ETV7: variants seen among roughly 807,000 people sequenced by gnomAD.
ETV7 encodes the protein ETS variant transcription factor 7, also known as transcription factor ETV7.
ETV7 carries 43 observed loss-of-function variants against 39.1 expected under a neutral mutation model. That is an observed-to-expected ratio of 1.10 (90% CI 0.86 to 1.42). The LOEUF is 1.42. Among genes scored for constraint, ETV7 ranks in the 40% most tolerant of loss-of-function variants. ETV7 has a pLI of 0.00. For synonymous variants in ETV7, 196 were observed against 176.6 expected (o/e 1.11, Z -0.87); for missense variants, 432 against 442.3 (o/e 0.98, Z 0.21).
At chr6:36,376,057 C>T (rs1170628840) in intron 2 of ETV7, 22 bp from the exon 3 acceptor site, 6 of 1,583,204 alleles carry the variant, frequency 3.8e-6, no homozygotes, top group Non-Finnish European at 4.3e-6. Context: ...AAGGACCAGT[C>T]CCATCACTCC....
In ETV7 at chr6:36,371,566, A is replaced by G; in HGVS notation, c.434-6T>C. 1 of 1,571,194 alleles carries G rather than the reference A, an allele frequency of 6.4e-7. No individual in the cohort carries two copies. Among genetic ancestry groups the G allele is most frequent in the Non-Finnish European group, 8.6e-7 (1 of 1,160,702 alleles). On this transcript the variant is annotated splice_region_variant and splice_polypyrimidine_tract_variant and intron_variant, in intron 4 of 7. Coordinates refer to ENST00000340181, the MANE Select transcript of ETV7 (RefSeq NM_016135.4). The stretch of plus-strand genomic sequence containing the variant: ...CTGAGAGGGGCCAGTCACCTCTGCA[A>G]GCAGATGAGCACCAGTGGTAGCAGG...
chr6:36,378,377 A>G lies in ETV7; in HGVS notation c.143-2342T>C, dbSNP rs149554815. ...AATAGAAAAATACAAATCTTAATAG[A>G]AGTAGAAATCAAAAACCAAATGCAC... is the stretch of plus-strand genomic sequence containing the variant. On this transcript the variant is annotated intron_variant, in intron 2 of 7. Coordinates refer to ENST00000340181, the MANE Select transcript of ETV7 (RefSeq NM_016135.4). Among the ~76,000 whole-genome samples, 296 of 152,320 alleles carry G rather than the reference A, an allele frequency of 1.9e-3. 3 individuals carry two copies. The highest frequency in any genetic ancestry group is 6.3e-3 in the African/African-American group (264 of 41,578).
chr6:36,361,228 A>T (rs2127382002), downstream of ETV7, among the ~76,000 whole-genome samples: 1 of 152,310 alleles, frequency 6.6e-6, no homozygotes, highest in East Asian at 1.9e-4. Flanking sequence ...CTTAGTTCCC[A>T]CCGAGGTCCT....
chr6:36,375,147 AT>A (rs1289816909), intron 3 of ETV7, among the ~76,000 whole-genome samples: 1 of 152,126 alleles, frequency 6.6e-6, no homozygotes, highest in Non-Finnish European at 1.5e-5. Flanking sequence ...AAATCAGCAG[AT>A]TTCAGAACGT....
intron 2 of ETV7, among the ~76,000 whole-genome samples, chr6:36,378,061 T>TC (rs1279447372): frequency 2.0e-4 from 30 of 152,098 alleles, no homozygotes; most frequent in African/African-American, 7.0e-4. Context: ...GTAACTAAGA[T>TC]CAAATGGTCT....
intron 2 of ETV7, among the ~76,000 whole-genome samples, chr6:36,379,052 G>C (rs191636185): frequency 6.6e-6 from 1 of 152,180 alleles, no homozygotes; most frequent in East Asian, 1.9e-4. Context: ...TACATGAGAC[G>C]CCGAAAGCTG....
chr6:36,370,675 CTAAAA>C (rs1772971132), intron 5 of ETV7, among the ~76,000 whole-genome samples: 2 of 150,038 alleles, frequency 1.3e-5, no homozygotes, highest in South Asian at 2.1e-4. Context: ...CCCCCTGAAC[CTAAAA>C]TAAAAGTTGA....
At chr6:36,355,507 G>A (rs933716095) in intron 7 of ETV7, among the ~76,000 whole-genome samples, 9 of 152,072 alleles carry the variant, frequency 5.9e-5, no homozygotes, top group African/African-American at 2.2e-4. Context: ...TGCCTCTCGG[G>A]TTCAAGTGAT....
intron 1 of ETV7, among the ~76,000 whole-genome samples, chr6:36,386,303 G>A (rs1456053018): frequency 6.6e-6 from 1 of 152,156 alleles, no homozygotes; most frequent in African/African-American, 2.4e-5. Flanking sequence ...ACTCCAGCCT[G>A]GGCAAGAGAG....
chr6:36,371,887 G>C (rs554048017), intron 4 of ETV7, among the ~76,000 whole-genome samples: 1 of 152,222 alleles, frequency 6.6e-6, no homozygotes, highest in African/African-American at 2.4e-5. Context: ...TGCCCAACGA[G>C]TATTTATTGA....
At chr6:36,354,470 G>T in exon 8 of ETV7, 1 of 475,530 alleles carries the variant, frequency 2.1e-6, no homozygotes, top group Non-Finnish European at 3.7e-6. Flanking sequence ...TCTTTTGCAT[G>T]TGGACACCCA....
At chr6:36,367,094 G>T in intron 6 of ETV7, 119 bp from the exon 7 acceptor site, 1 of 772,438 alleles carries the variant, frequency 1.3e-6, no homozygotes. Context: ...GGATCTGTGA[G>T]GGTTTATGAG....
chr6:36,361,486 G>C (rs1772486691), downstream of ETV7, among the ~76,000 whole-genome samples: 1 of 152,246 alleles, frequency 6.6e-6, no homozygotes, highest in Admixed American at 6.5e-5. Context: ...AGCCAAGGAA[G>C]ACTGTGGCCC....
downstream of ETV7, among the ~76,000 whole-genome samples, chr6:36,362,441 T>A (rs923052112): frequency 6.6e-6 from 1 of 151,966 alleles, no homozygotes; most frequent in Non-Finnish European, 1.5e-5. Flanking sequence ...CCAGCCTGAG[T>A]GACAGCAAAA....
chr6:36,369,707 A>G (rs1473119563), intron 5 of ETV7, among the ~76,000 whole-genome samples: 1 of 152,218 alleles, frequency 6.6e-6, no homozygotes, highest in Non-Finnish European at 1.5e-5. Flanking sequence ...ATTAGGTAAC[A>G]TAATAGACCA....
chr6:36,370,110 T>C (rs1772937089), intron 5 of ETV7, among the ~76,000 whole-genome samples: 1 of 152,196 alleles, frequency 6.6e-6, no homozygotes, highest in Non-Finnish European at 1.5e-5. Context: ...CTTCTAGTCA[T>C]TTCCAACCCA....
Position 36,384,243 on chromosome 6 carries a change from G to A in ETV7, c.142+1291C>T, listed in dbSNP as rs59511929. On this transcript the variant is annotated intron_variant, in intron 2 of 7. Coordinates refer to ENST00000340181, the MANE Select transcript of ETV7 (RefSeq NM_016135.4). ...AGGCAACAGAACTGGTAGCTCAGGA[G>A]TTCTAATCTAGGAGAAAATAGGCCA... Among the ~76,000 whole-genome samples, 23 of 152,326 alleles carry A rather than the reference G, an allele frequency of 1.5e-4. No individual in the cohort carries two copies. In the East Asian group the frequency reaches 3.1e-3, roughly 20 times the overall value.
intron 2 of ETV7, among the ~76,000 whole-genome samples, chr6:36,378,461 C>T (rs977476616): frequency 2.6e-5 from 4 of 152,106 alleles, no homozygotes; most frequent in African/African-American, 7.2e-5. Flanking sequence ...GTAATAAAAA[C>T]GAAACACACA....
chr6:36,362,746 G>A (rs996988101), downstream of ETV7, among the ~76,000 whole-genome samples: 2 of 152,200 alleles, frequency 1.3e-5, no homozygotes, highest in African/African-American at 4.8e-5. Flanking sequence ...CGGGATCTCT[G>A]GCAGTGATTC....
Sources: gnomAD v4.1 joint callset for allele counts (sites outside exome capture counted in the v4.1 genomes callset) on GRCh38, gnomAD v4.1.1 for gene constraint, MANE v1.5 for transcripts, NCBI Gene and HGNC (gene_info 2026-07-23, HGNC 2026-07-21) for gene names.